CREM: variants seen among roughly 807,000 people sequenced by gnomAD.
CREM encodes the protein cAMP responsive element modulator, also known as cAMP-responsive element modulator.
CREM carries 13 observed loss-of-function variants against 37.3 expected under a neutral mutation model. The ratio of observed to expected loss-of-function variants is 0.35; its 90% CI spans 0.23 to 0.55. The LOEUF is 0.55. Ranked by LOEUF, CREM falls within the 20% of genes least tolerant of loss-of-function variation. CREM has a pLI of 0.88. For missense variants in CREM, 296 were observed against 362.3 expected (o/e 0.82, Z 1.49); for synonymous variants, 124 against 120.2 (o/e 1.03, Z -0.21).
At position 35,149,938 on chromosome 10, in the gene CREM, A is replaced by ACACACACACACC. The variant is rs796295851; in HGVS notation, c.168+1448_168+1449insACACACACACCC. Among the ~76,000 whole-genome samples, 169 of 145,504 alleles carry ACACACACACACC rather than the reference A, an allele frequency of 1.2e-3. 1 individual carries two copies. In the East Asian group the frequency reaches 0.012, roughly 11 times the overall value. The stretch of plus-strand genomic sequence containing the variant: ...CACACACACACACACACACACACAC[A>ACACACACACACC]CCCTTGTTAAAAAAAATGCATGTTC... On this transcript the variant is annotated intron_variant, in intron 3 of 7. Transcript: ENST00000685392.
chr10:35,178,456 G>A (rs956633207), intron 3 of CREM, among the ~76,000 whole-genome samples: 4 of 152,188 alleles, frequency 2.6e-5, no homozygotes, highest in African/African-American at 9.7e-5. Context: ...GCTCACGCCA[G>A]CGCCAGCTGT....
chr10:35,131,954 G>T lies in CREM; in HGVS notation c.-55+4761G>T, dbSNP rs553319462. On this transcript the variant is annotated intron_variant, in intron 1 of 7. Transcript: ENST00000685392. Reference sequence around the variant, plus strand: ...ACATTGGCCGGGTGCGGTGGCTCACGCCTGTAATCCCAGTGCTTTGGGAGG... The same window carrying T: ...ACATTGGCCGGGTGCGGTGGCTCACTCCTGTAATCCCAGTGCTTTGGGAGG... Among the ~76,000 whole-genome samples the T allele has an allele frequency of 9.9e-5, 15 of 152,240 alleles. No individual in the cohort carries two copies. The East Asian group carries it at 2.5e-3, about 25-fold the overall frequency.
intron 3 of CREM, among the ~76,000 whole-genome samples, chr10:35,170,014 G>A (rs11010112): frequency 6.7e-6 from 1 of 149,448 alleles, no homozygotes; most frequent in African/African-American, 2.5e-5. Context: ...CCAAGCTGGA[G>A]TGCAGTGGCA....
At chr10:35,173,370 AC>A (rs1554909107) in intron 3 of CREM, among the ~76,000 whole-genome samples, 1 of 152,212 alleles carries the variant, frequency 6.6e-6, no homozygotes, top group Non-Finnish European at 1.5e-5. Context: ...TCACATACCA[AC>A]TAAAGCAACA....
chr10:35,175,841 T>A (rs954782328), intron 3 of CREM: 1 of 1,593,934 alleles, frequency 6.3e-7, no homozygotes, highest in African/African-American at 1.4e-5. Flanking sequence ...TCAATGGTGA[T>A]CATTTTGGCA....
chr10:35,195,480 A>ACTCTTCCCCTCCTCTT (rs2095114448), intron 6 of CREM, among the ~76,000 whole-genome samples: 1 of 118,746 alleles, frequency 8.4e-6, no homozygotes, highest in Non-Finnish European at 1.8e-5. Flanking sequence ...CCTCCTCCCC[A>ACTCTTCCCCTCCTCTT]CTCTTCCCCT....
At chr10:35,164,285 C>A (rs1417220547) in intron 3 of CREM, among the ~76,000 whole-genome samples, 1 of 152,138 alleles carries the variant, frequency 6.6e-6, no homozygotes, top group Non-Finnish European at 1.5e-5. Flanking sequence ...TCATAGTGAC[C>A]TTCCTTGATC....
intron 1 of CREM, among the ~76,000 whole-genome samples, chr10:35,135,711 C>A: frequency 1.1e-5 from 1 of 91,218 alleles, no homozygotes; most frequent in South Asian, 4.7e-4. Context: ...CATAGTGATA[C>A]CTATTTCTGG....
At chr10:35,194,611 T>C (rs1214098901) in intron 6 of CREM, among the ~76,000 whole-genome samples, 3 of 152,150 alleles carry the variant, frequency 2.0e-5, no homozygotes, top group East Asian at 1.9e-4. Context: ...TTAGGAAGAG[T>C]TGGATTTTTT....
intron 3 of CREM, among the ~76,000 whole-genome samples, chr10:35,171,719 G>A (rs190173133): frequency 6.6e-5 from 10 of 152,198 alleles, no homozygotes; most frequent in Admixed American, 4.6e-4. Flanking sequence ...GGTTTCCCCC[G>A]CTATAGTTTC....
intron 3 of CREM, among the ~76,000 whole-genome samples, chr10:35,176,533 G>T (rs1393764833): frequency 1.3e-5 from 2 of 150,708 alleles, no homozygotes; most frequent in African/African-American, 2.4e-5. Flanking sequence ...TCAGCCTCCC[G>T]AGTAGCTGGG....
chr10:35,151,072 A>G lies in CREM; in HGVS notation c.168+2581A>G, dbSNP rs115565260. On this transcript the variant is annotated intron_variant, in intron 3 of 7. Coordinates refer to ENST00000685392, the MANE Select transcript of CREM (RefSeq NM_183011.2). The stretch of plus-strand genomic sequence containing the variant: ...GACTCTTTTAAGAAATTTGTCTTGA[A>G]CTAATAGAGAAAGATGGGTTTGTGA... Among the ~76,000 whole-genome samples the G allele has an allele frequency of 4.5e-3, 691 of 152,272 alleles. 5 individuals are homozygous for G. The highest frequency in any genetic ancestry group is 0.016 in the African/African-American group (654 of 41,560).
chr10:35,137,353 G>T (rs2090714254), intron 1 of CREM, among the ~76,000 whole-genome samples: 1 of 151,880 alleles, frequency 6.6e-6, no homozygotes, highest in African/African-American at 2.4e-5. Context: ...TTTTTGCATT[G>T]GAGTGAAATA....
At position 35,195,288 on chromosome 10, in the gene CREM, C is replaced by T. The variant is rs376064501; in HGVS notation, c.598+6900C>T. On this transcript the variant is annotated intron_variant, in intron 6 of 7. Transcript: ENST00000685392. ...AAGTTTAGGAAGTATTCAGGAACAT[C>T]TGAGTGTTTCAGAAAGTGTTACTCT... 692 of 1,559,158 alleles carry T rather than the reference C, an allele frequency of 4.4e-4. 8 individuals are homozygous for T. Among genetic ancestry groups the T allele is most frequent in the South Asian group, 1.8e-3 (163 of 89,232 alleles).
chr10:35,196,374 ATAACCTTTG>A, intron 6 of CREM: 2 of 473,822 alleles, frequency 4.2e-6, no homozygotes, highest in Non-Finnish European at 7.6e-6. Flanking sequence ...TTAGTTACTA[ATAACCTTTG>A]TGTGCTTGCA....
At position 35,188,170 on chromosome 10, in the gene CREM, C is replaced by T. The variant is rs774706299; in HGVS notation, c.410-30C>T. On this transcript the variant is annotated intron_variant, in intron 5 of 7. Coordinates refer to ENST00000685392, the MANE Select transcript of CREM (RefSeq NM_183011.2). ...ATTATTAAAAATAAATCTTGAAATT[C>T]TCTAATATTTCTTTTCTTTTTCTGT... 1.0e-5 allele frequency: 16 copies of T among 1,577,354 alleles called. 1 individual carries two copies. The South Asian group carries it at 1.8e-4, about 18-fold the overall frequency.
At chr10:35,154,555 G>T (rs942905779) in intron 3 of CREM, 1 of 152,316 alleles carries the variant, frequency 6.6e-6, no homozygotes, top group Non-Finnish European at 1.5e-5. Context: ...AAAAGTTTCT[G>T]TTTTACTGTA....
At chr10:35,147,068 T>A (rs1433101768) in intron 2 of CREM, among the ~76,000 whole-genome samples, 1 of 135,364 alleles carries the variant, frequency 7.4e-6, no homozygotes, top group African/African-American at 2.6e-5. Flanking sequence ...TTTTTTTTTT[T>A]AAGACGGAGT....
intron 3 of CREM, among the ~76,000 whole-genome samples, chr10:35,163,986 A>G (rs924963529): frequency 6.6e-6 from 1 of 151,960 alleles, no homozygotes; most frequent in African/African-American, 2.4e-5. Context: ...AAAAAAAAAA[A>G]ACAAAAAAAG....
Sources: allele counts gnomAD v4.1 joint callset (sites outside exome capture counted in the v4.1 genomes callset), GRCh38; gene constraint gnomAD v4.1.1; transcripts MANE v1.5; gene names NCBI Gene and HGNC (gene_info 2026-07-23, HGNC 2026-07-21).